The following SLC4A10 variants were observed in gnomAD, a reference collection of about 807,000 sequenced individuals.
SLC4A10 encodes sodium-driven chloride bicarbonate exchanger.
Under a neutral mutation model 137.7 loss-of-function variants are expected in SLC4A10, and 42 were observed. That is an observed-to-expected ratio of 0.30 (90% CI 0.24 to 0.39). The LOEUF (loss-of-function observed/expected upper bound fraction) is 0.39. Among genes scored for constraint, SLC4A10 ranks in the 10% least tolerant of loss-of-function variants. The pLI is 1.00. For missense variants in SLC4A10, 925 were observed against 1,355.0 expected (o/e 0.68, Z 4.98); for synonymous variants, 474 against 464.1 (o/e 1.02, Z -0.27).
chr2:161,873,718 G>T (rs1213744469), intron 7 of SLC4A10, 198 bp from the exon 8 acceptor site: 3 of 482,736 alleles, frequency 6.2e-6, no homozygotes, highest in Non-Finnish European at 1.1e-5. Flanking sequence ...GGGAATGGAT[G>T]GAAGCAGTAG....
chr2:161,731,590 T>A (rs1040551457), intron 1 of SLC4A10, among the ~76,000 whole-genome samples: 1 of 152,164 alleles, frequency 6.6e-6, no homozygotes, highest in Non-Finnish European at 1.5e-5. Flanking sequence ...AAATAATAGA[T>A]GCTTACAGCT....
intron 19 of SLC4A10, among the ~76,000 whole-genome samples, chr2:161,956,341 T>C (rs1282549706): frequency 6.6e-6 from 1 of 152,216 alleles, no homozygotes; most frequent in Non-Finnish European, 1.5e-5. Flanking sequence ...CCAGAACTTA[T>C]ATTCTTAACC....
intron 3 of SLC4A10, among the ~76,000 whole-genome samples, chr2:161,808,570 C>A (rs1018016782): frequency 1.3e-5 from 2 of 152,102 alleles, no homozygotes; most frequent in Admixed American, 1.3e-4. Context: ...TCCCCACCCT[C>A]CTTCCCTGCT....
intron 3 of SLC4A10, among the ~76,000 whole-genome samples, chr2:161,836,081 A>C (rs2058749286): frequency 1.3e-5 from 2 of 152,254 alleles, no homozygotes; most frequent in Admixed American, 1.3e-4. Flanking sequence ...AAAATTAGTC[A>C]GAGAAAAGAT....
chr2:161,689,417 ATACT>A (rs761094963), intron 1 of SLC4A10, among the ~76,000 whole-genome samples: 18 of 152,178 alleles, frequency 1.2e-4, no homozygotes, highest in Non-Finnish European at 2.1e-4. Context: ...GGATTCACAA[ATACT>A]TACCATTGTA....
chr2:161,721,611 C>G (rs1013732303), intron 1 of SLC4A10, among the ~76,000 whole-genome samples: 3 of 152,080 alleles, frequency 2.0e-5, no homozygotes, highest in Non-Finnish European at 2.9e-5. Flanking sequence ...TCTGGCTGCC[C>G]TTAACATTTT....
intron 1 of SLC4A10, among the ~76,000 whole-genome samples, chr2:161,734,288 C>T (rs996938141): frequency 6.6e-6 from 1 of 152,098 alleles, no homozygotes; most frequent in Non-Finnish European, 1.5e-5. Flanking sequence ...GTGGGAGGGA[C>T]CCTGTGGGAG....
At chr2:161,627,749 G>A (rs1253317951) in intron 1 of SLC4A10, among the ~76,000 whole-genome samples, 1 of 152,114 alleles carries the variant, frequency 6.6e-6, no homozygotes, top group East Asian at 1.9e-4. Flanking sequence ...TGTTGGCTAA[G>A]TGTATAGTCT....
intron 3 of SLC4A10, among the ~76,000 whole-genome samples, chr2:161,823,573 C>G (rs888952924): frequency 6.6e-6 from 1 of 152,178 alleles, no homozygotes; most frequent in Non-Finnish European, 1.5e-5. Context: ...TCCCAAGAAG[C>G]AGAGAAAAGT....
chr2:161,850,636 G>A (rs1316991404), intron 4 of SLC4A10, among the ~76,000 whole-genome samples: 1 of 151,858 alleles, frequency 6.6e-6, no homozygotes, highest in African/African-American at 2.4e-5. Context: ...GTATATCAAT[G>A]TTATTTATTC....
At chr2:161,819,802 T>C (rs1470976725) in intron 3 of SLC4A10, among the ~76,000 whole-genome samples, 3 of 152,198 alleles carry the variant, frequency 2.0e-5, no homozygotes, top group Non-Finnish European at 4.4e-5. Context: ...CCCACATTTG[T>C]TATTTTTAAT....
intron 4 of SLC4A10, among the ~76,000 whole-genome samples, chr2:161,851,752 A>C (rs2059845934): frequency 6.6e-6 from 1 of 152,218 alleles, no homozygotes; most frequent in African/African-American, 2.4e-5. Flanking sequence ...TACAGCTTAC[A>C]AACAATATTA....
chr2:161,849,413 C>T (rs866287400), intron 4 of SLC4A10, among the ~76,000 whole-genome samples: 36 of 152,166 alleles, frequency 2.4e-4, no homozygotes, highest in Middle Eastern at 6.8e-3. Context: ...TTCTGCTTCT[C>T]TGGTTAGGAC....
chr2:161,758,170 A>G (rs1244532715), intron 1 of SLC4A10, among the ~76,000 whole-genome samples: 1 of 151,948 alleles, frequency 6.6e-6, no homozygotes, highest in Non-Finnish European at 1.5e-5. Context: ...AGTAAATTAC[A>G]TGTATACTAA....
chr2:161,777,177 A>C (rs2125451479), intron 2 of SLC4A10, among the ~76,000 whole-genome samples: 1 of 151,616 alleles, frequency 6.6e-6, no homozygotes, highest in Admixed American at 6.6e-5. Flanking sequence ...AGGGTAAAAA[A>C]ATTTTTAATT....
intron 1 of SLC4A10, among the ~76,000 whole-genome samples, chr2:161,683,892 A>G (rs1457886751): frequency 6.6e-6 from 1 of 152,144 alleles, no homozygotes; most frequent in Non-Finnish European, 1.5e-5. Context: ...TACATTTGCT[A>G]AGATTTACCA....
At chr2:161,853,881 T>C (rs1020707104) in intron 4 of SLC4A10, among the ~76,000 whole-genome samples, 1 of 152,196 alleles carries the variant, frequency 6.6e-6, no homozygotes, top group Admixed American at 6.6e-5. Context: ...TGATCTCTCT[T>C]ACTACTCTGC....
chr2:161,844,560 T>G (rs1278059960), intron 4 of SLC4A10, among the ~76,000 whole-genome samples: 1 of 152,114 alleles, frequency 6.6e-6, no homozygotes, highest in Non-Finnish European at 1.5e-5. Context: ...ATATAATAAC[T>G]CCTTTTGGAT....
chr2:161,921,558 C>T (rs1301749568), intron 15 of SLC4A10, among the ~76,000 whole-genome samples: 1 of 152,154 alleles, frequency 6.6e-6, no homozygotes, highest in Non-Finnish European at 1.5e-5. Context: ...AAAAATTATC[C>T]AGGATTGATT....
Sources: gnomAD v4.1 joint callset for allele counts (sites outside exome capture counted in the v4.1 genomes callset) on GRCh38, gnomAD v4.1.1 for gene constraint, MANE v1.5 for transcripts, NCBI Gene and HGNC (gene_info 2026-07-23, HGNC 2026-07-21) for gene names.